The following FHIT variants were observed in gnomAD, a reference collection of about 807,000 sequenced individuals.
FHIT encodes the protein bis(5'-adenosyl)-triphosphatase.
FHIT carries 19 observed loss-of-function variants against 17.9 expected under a neutral mutation model. That is an observed-to-expected ratio of 1.06 (90% CI 0.74 to 1.56). The LOEUF (loss-of-function observed/expected upper bound fraction) is 1.56. FHIT is among the 40% of genes most tolerant of loss of function. The probability of loss-of-function intolerance (pLI) is 0.00; values close to 1 mark genes in which losing one functional copy is unlikely to be tolerated. For missense variants in FHIT, 248 were observed against 189.2 expected (o/e 1.31, Z -1.82); for synonymous variants, 81 against 69.7 (o/e 1.16, Z -0.81).
chr3:61,101,683 T>C (rs1305890788), intron 2 of FHIT, among the ~76,000 whole-genome samples: 1 of 152,212 alleles, frequency 6.6e-6, no homozygotes, highest in Admixed American at 6.5e-5. Context: ...TTCCTATCCA[T>C]GAGCATGGAA....
intron 4 of FHIT, among the ~76,000 whole-genome samples, chr3:60,674,685 A>C (rs2040581650): frequency 6.6e-6 from 1 of 152,232 alleles, no homozygotes; most frequent in South Asian, 2.1e-4. Context: ...TGGGGTTTCA[A>C]CTGAATGCCC....
chr3:60,294,690 C>G (rs1329202836), intron 5 of FHIT, among the ~76,000 whole-genome samples: 1 of 152,126 alleles, frequency 6.6e-6, no homozygotes, highest in Non-Finnish European at 1.5e-5. Context: ...TGCTCCCGCC[C>G]TCACTCCTCT....
At chr3:61,010,859 A>G (rs1397177373) in intron 3 of FHIT, among the ~76,000 whole-genome samples, 1 of 152,240 alleles carries the variant, frequency 6.6e-6, no homozygotes, top group East Asian at 1.9e-4. Context: ...CATGTTTTAT[A>G]GAAAGTAAGA....
At chr3:60,050,791 A>G (rs1291351574) in intron 5 of FHIT, among the ~76,000 whole-genome samples, 1 of 152,178 alleles carries the variant, frequency 6.6e-6, no homozygotes, top group Admixed American at 6.5e-5. Context: ...AAGATTTTTC[A>G]TGGCACCTGA....
chr3:59,934,401 C>G (rs1385811), intron 7 of FHIT, among the ~76,000 whole-genome samples: 1 of 152,212 alleles, frequency 6.6e-6, no homozygotes, highest in South Asian at 2.1e-4. Context: ...AACCTTATGA[C>G]AGTAAGCTCT....
At chr3:60,572,828 T>C (rs1006158263) in intron 4 of FHIT, among the ~76,000 whole-genome samples, 2 of 152,046 alleles carry the variant, frequency 1.3e-5, no homozygotes, top group African/African-American at 4.8e-5. Context: ...AAAGAGGTAA[T>C]GGGAGCAGAC....
intron 2 of FHIT, among the ~76,000 whole-genome samples, chr3:61,160,585 A>C (rs183348490): frequency 1.3e-5 from 2 of 152,312 alleles, no homozygotes; most frequent in Admixed American, 1.3e-4. Context: ...TATATTTTAA[A>C]ACAACAGAAG....
chr3:60,608,633 A>C (rs1320265333), intron 4 of FHIT, among the ~76,000 whole-genome samples: 2 of 152,180 alleles, frequency 1.3e-5, no homozygotes, highest in Non-Finnish European at 2.9e-5. Flanking sequence ...AACTGGGCCC[A>C]ATATCATTAC....
chr3:60,425,725 A>G (rs1702637555), intron 5 of FHIT, among the ~76,000 whole-genome samples: 1 of 152,152 alleles, frequency 6.6e-6, no homozygotes, highest in African/African-American at 2.4e-5. Flanking sequence ...AGTCATAAAA[A>G]TTATAGTTAC....
chr3:60,952,180 A>C (rs532059164), intron 3 of FHIT, among the ~76,000 whole-genome samples: 1,042 of 75,970 alleles, frequency 0.014, 24 homozygotes, highest in East Asian at 0.1. Flanking sequence ...CCCCCCCCCC[A>C]AAAAAAAAAA....
At chr3:60,143,704 T>C (rs951913333) in intron 5 of FHIT, among the ~76,000 whole-genome samples, 3 of 150,668 alleles carry the variant, frequency 2.0e-5, no homozygotes, top group African/African-American at 4.9e-5. Context: ...GTATGCCTTC[T>C]AAATGGCTTA....
At chr3:59,856,591 A>G (rs1023504498) in intron 8 of FHIT, among the ~76,000 whole-genome samples, 2 of 152,232 alleles carry the variant, frequency 1.3e-5, no homozygotes, top group African/African-American at 4.8e-5. Context: ...AGGCATAACA[A>G]ATTTTATTTC....
At chr3:60,271,244 A>G (rs1433570171) in intron 5 of FHIT, among the ~76,000 whole-genome samples, 1 of 151,970 alleles carries the variant, frequency 6.6e-6, no homozygotes, top group Non-Finnish European at 1.5e-5. Flanking sequence ...TCCAAAAAAA[A>G]CTACAAAAAT....
At chr3:60,326,877 C>T (rs902467604) in intron 5 of FHIT, among the ~76,000 whole-genome samples, 1 of 152,068 alleles carries the variant, frequency 6.6e-6, no homozygotes, top group Admixed American at 6.6e-5. Flanking sequence ...TTATGTTTTC[C>T]CTCAGCTTTC....
At chr3:61,034,420 A>T (rs992761108) in intron 3 of FHIT, among the ~76,000 whole-genome samples, 1 of 152,146 alleles carries the variant, frequency 6.6e-6, no homozygotes. Context: ...ACAACTCAAC[A>T]ACAATAAAAA....
At chr3:60,545,346 A>G (rs541964889) in intron 4 of FHIT, among the ~76,000 whole-genome samples, 1 of 152,108 alleles carries the variant, frequency 6.6e-6, no homozygotes, top group African/African-American at 2.4e-5. Context: ...AATTATTTTT[A>G]CTTTATTACC....
intron 5 of FHIT, among the ~76,000 whole-genome samples, chr3:60,264,551 A>T (rs1466037948): frequency 1.3e-5 from 2 of 151,990 alleles, no homozygotes; most frequent in African/African-American, 4.8e-5. Context: ...TTTAATCCTA[A>T]TAACACTAAC....
At chr3:60,935,705 T>C (rs1553772915) in intron 3 of FHIT, among the ~76,000 whole-genome samples, 1 of 152,180 alleles carries the variant, frequency 6.6e-6, no homozygotes, top group Non-Finnish European at 1.5e-5. Context: ...AACAAAATAT[T>C]TTCTCAGATA....
chr3:59,860,923 C>A (rs1702376252), intron 8 of FHIT, among the ~76,000 whole-genome samples: 1 of 152,086 alleles, frequency 6.6e-6, no homozygotes, highest in Non-Finnish European at 1.5e-5. Context: ...ATGGCAGAGC[C>A]CAGGTCCATA....
Sources: gnomAD v4.1 joint callset for allele counts (sites outside exome capture counted in the v4.1 genomes callset) on GRCh38, gnomAD v4.1.1 for gene constraint, MANE v1.5 for transcripts, NCBI Gene and HGNC (gene_info 2026-07-23, HGNC 2026-07-21) for gene names.